Variants in CFHR5 observed in about 807,000 individuals in gnomAD.
CFHR5 encodes complement factor H-related protein 5.
A neutral mutation model predicts 62.9 loss-of-function variants in CFHR5; 73 were observed. The ratio of observed to expected loss-of-function variants is 1.16; its 90% CI spans 0.96 to 1.41. The LOEUF (loss-of-function observed/expected upper bound fraction) is 1.41, where lower values mean the gene tolerates loss of function less well. Ranked by LOEUF, CFHR5 falls within the 40% of genes most tolerant of loss-of-function variation. The probability of loss-of-function intolerance (pLI) is 0.00; values close to 1 mark genes in which losing one functional copy is unlikely to be tolerated. For synonymous variants in CFHR5, 249 were observed against 227.2 expected, an observed-to-expected ratio of 1.10 and a Z score of -0.86; for missense variants, 779 against 679.9, an observed-to-expected ratio of 1.15 and a Z score of -1.62.
intron 1 of CFHR5, among the ~76,000 whole-genome samples, chr1:196,981,985 T>G (rs1653555489): frequency 6.6e-6 from 1 of 152,130 alleles, no homozygotes; most frequent in African/African-American, 2.4e-5. Flanking sequence ...TAATTTTATC[T>G]CGGTTGAGTT....
At position 196,983,095 on chromosome 1, in the gene CFHR5, G is replaced by A; in HGVS notation, c.253+16G>A. 5.0e-6 allele frequency: 8 copies of A among 1,613,532 alleles called. No homozygotes were observed. The highest frequency in any genetic ancestry group is 6.8e-6 in the Non-Finnish European group (8 of 1,179,664). Reference sequence around the variant, plus strand: ...AAGTGTCTCAGTGAGTAAATGCCCTGTTCATTAAATGGATGTCATTCAGTG... The same window carrying A: ...AAGTGTCTCAGTGAGTAAATGCCCTATTCATTAAATGGATGTCATTCAGTG... On this transcript the variant is annotated intron_variant, in intron 2 of 9. Coordinates refer to ENST00000256785, the MANE Select transcript of CFHR5 (RefSeq NM_030787.4).
chr1:196,992,648 G>T (rs1341133494), intron 3 of CFHR5, among the ~76,000 whole-genome samples: 1 of 152,084 alleles, frequency 6.6e-6, no homozygotes, highest in Non-Finnish European at 1.5e-5. Context: ...TTCCTATTCG[G>T]CCATCTTGGA....
At chr1:196,981,603 A>T (rs1190342318) in intron 1 of CFHR5, among the ~76,000 whole-genome samples, 2 of 151,946 alleles carry the variant, frequency 1.3e-5, no homozygotes, top group African/African-American at 2.4e-5. Context: ...GTGCATATGG[A>T]TGTATGTGTG....
intron 2 of CFHR5, 41 bp downstream of exon 2, chr1:196,983,120 G>C (rs1282857582): frequency 5.6e-6 from 9 of 1,610,912 alleles, no homozygotes; most frequent in Non-Finnish European, 7.6e-6. Context: ...GTCATTCAGT[G>C]AATAGAGAAG....
chr1:197,007,039 G>C (rs767789128), intron 9 of CFHR5, among the ~76,000 whole-genome samples: 1 of 151,948 alleles, frequency 6.6e-6, no homozygotes. Flanking sequence ...GTTTCACCCT[G>C]TTGGCCAGGC....
intron 1 of CFHR5, among the ~76,000 whole-genome samples, chr1:196,980,317 C>T (rs1380745703): frequency 6.7e-6 from 1 of 149,680 alleles, no homozygotes; most frequent in Non-Finnish European, 1.5e-5. Flanking sequence ...ATACATTAAC[C>T]AGTACCATGG....
At chr1:196,983,175 A>G in intron 2 of CFHR5, 96 bp downstream of exon 2, 1 of 1,539,396 alleles carries the variant, frequency 6.5e-7, no homozygotes, top group Non-Finnish European at 9.0e-7. Context: ...CACAAGGGCA[A>G]TGACCAGAGG....
At chr1:196,996,848 G>GAAGTAGTAAGTAGT (rs550020020) in intron 6 of CFHR5, among the ~76,000 whole-genome samples, 3 of 151,840 alleles carry the variant, frequency 2.0e-5, no homozygotes, top group Non-Finnish European at 2.9e-5. Context: ...TTCCTCCACA[G>GAAGTAGTAAGTAGT]AAGTAGTAAG....
upstream of CFHR5, among the ~76,000 whole-genome samples, chr1:196,977,170 A>T (rs968063205): frequency 2.6e-5 from 4 of 152,056 alleles, no homozygotes; most frequent in African/African-American, 9.7e-5. Context: ...TTAAGAAGGT[A>T]CCTAATTCTT....
intron 1 of CFHR5, among the ~76,000 whole-genome samples, 190 bp from the exon 2 acceptor site, chr1:196,982,695 C>T (rs1234072855): frequency 2.6e-5 from 4 of 151,992 alleles, no homozygotes; most frequent in South Asian, 2.1e-4. Context: ...AAAAGATCTC[C>T]TCAAATACTC....
intron 3 of CFHR5, among the ~76,000 whole-genome samples, chr1:196,993,116 T>A (rs1571520055): frequency 6.6e-6 from 1 of 152,134 alleles, no homozygotes; most frequent in Non-Finnish European, 1.5e-5. Context: ...TCATAATGAG[T>A]TAGTTTTTAC....
chr1:196,977,901 G>A (rs1262394333), intron 1 of CFHR5, among the ~76,000 whole-genome samples, 179 bp downstream of exon 1: 2 of 152,120 alleles, frequency 1.3e-5, no homozygotes, highest in Non-Finnish European at 2.9e-5. Flanking sequence ...CAGGAAAATT[G>A]AATGAAATTA....
At chr1:196,998,731 A>G (rs1654057395) in intron 7 of CFHR5, among the ~76,000 whole-genome samples, 1 of 152,038 alleles carries the variant, frequency 6.6e-6, no homozygotes, top group Non-Finnish European at 1.5e-5. Flanking sequence ...GTAATCAATT[A>G]TTTCCCTAAG....
intron 3 of CFHR5, among the ~76,000 whole-genome samples, chr1:196,992,462 C>T (rs897947212): frequency 2.0e-5 from 3 of 152,094 alleles, no homozygotes; most frequent in African/African-American, 7.2e-5. Flanking sequence ...AAGGAAAATC[C>T]CCCAACCCCT....
Position 196,995,797 on chromosome 1 carries a change from A to G in CFHR5, c.688A>G (p.Asn230Asp), listed in dbSNP as rs1653974507. ...KEIRKEEYGH[N>D]EVVEYDCNPN... ...GATAAGAAAAGAGGAATATGGACAC[A>G]ATGAAGTAGTGGAATATGATTGCAA... Residue 230 changes from asparagine to aspartate, a missense_variant, in exon 5 of 10, where the codon AAT (asparagine) becomes GAT (aspartate). Transcript: ENST00000256785. 5 of 1,612,608 alleles carry G rather than the reference A, an allele frequency of 3.1e-6. No homozygotes were observed. Among genetic ancestry groups the G allele is most frequent in the Non-Finnish European group, 4.2e-6 (5 of 1,178,738 alleles).
rs568479981 is a variant in CFHR5, at chr1:197,007,522, A to G, written c.1514-965A>G. On this transcript the variant is annotated intron_variant, in intron 9 of 9. Transcript: ENST00000256785. ...GCAAAAAGAAAAAAGTATATAACATAAAGACTTGGCAAGGATGTGGAGAGT... is the reference window on the plus strand; with the variant it reads ...GCAAAAAGAAAAAAGTATATAACATGAAGACTTGGCAAGGATGTGGAGAGT... 4.6e-5 allele frequency among the ~76,000 whole-genome samples: 7 copies of G among 151,832 alleles called. No individual in the cohort carries two copies. The South Asian group carries it at 1.5e-3, about 32-fold the overall frequency.
chr1:196,984,016 A>G lies in CFHR5; in HGVS notation c.309A>G (p.Ile103Met). The change falls in exon 3 of 10, where the codon ATA becomes ATG. Residue 103 changes from isoleucine to methionine, a missense_variant. By Grantham distance (10) the Ile-to-Met change is conservative (BLOSUM62 1). Coordinates refer to ENST00000256785, the MANE Select transcript of CFHR5 (RefSeq NM_030787.4). ...KNGHSESSGLIHLEGDTVQII... is the reference protein window; with the variant it reads ...KNGHSESSGLMHLEGDTVQII... ...GTCATTCTGAATCTTCAGGACTAAT[A>G]CATCTGGAAGGTGATACTGTACAAA... 1 of 1,612,704 alleles carries G rather than the reference A, an allele frequency of 6.2e-7. No homozygotes were observed. The highest frequency in any genetic ancestry group is 8.5e-7 in the Non-Finnish European group (1 of 1,178,924).
intron 4 of CFHR5, among the ~76,000 whole-genome samples, chr1:196,994,647 G>T (rs1053696050): frequency 1.3e-5 from 2 of 152,142 alleles, no homozygotes; most frequent in African/African-American, 2.4e-5. Context: ...AAACAGTGAT[G>T]ATTTATACCT....
At chr1:196,977,525 A>G (rs1653427205), upstream of CFHR5, 3 of 761,338 alleles carry the variant, frequency 3.9e-6, no homozygotes, top group Non-Finnish European at 7.2e-6. Context: ...GATGTTTTCC[A>G]CAAAGGGCTT....
Sources: gnomAD v4.1 joint callset for allele counts (sites outside exome capture counted in the v4.1 genomes callset) on GRCh38, gnomAD v4.1.1 for gene constraint, MANE v1.5 for transcripts, NCBI Gene and HGNC (gene_info 2026-07-23, HGNC 2026-07-21) for gene names.